The following RAB7A variants were observed in gnomAD, a reference collection of about 807,000 sequenced individuals.
The protein encoded by RAB7A is RAB7A, member RAS oncogene family, also known as ras-related protein Rab-7a.
A neutral mutation model predicts 24.5 loss-of-function variants in RAB7A; 2 were observed. That is an observed-to-expected ratio of 0.08 (90% confidence interval 0.03 to 0.26). The LOEUF (loss-of-function observed/expected upper bound fraction) is 0.26, where lower values mean the gene tolerates loss of function less well. RAB7A is among the 10% of genes least tolerant of loss of function. RAB7A has a pLI of 1.00. For synonymous variants in RAB7A, 100 were observed against 95.9 expected (o/e 1.04, Z -0.25); for missense variants, 118 against 255.7 (o/e 0.46, Z 3.67).
chr3:128,789,758 G>C (rs939775691), intron 1 of RAB7A, among the ~76,000 whole-genome samples: 1 of 150,978 alleles, frequency 6.6e-6, no homozygotes, highest in Non-Finnish European at 1.5e-5. Context: ...GCTTCTTGTA[G>C]CAAAAGTTGC....
chr3:128,813,023 A>C (rs1268485870), intron 5 of RAB7A, among the ~76,000 whole-genome samples: 2 of 152,216 alleles, frequency 1.3e-5, no homozygotes, highest in Non-Finnish European at 2.9e-5. Context: ...TCATGATCTG[A>C]TTGAGAATGT....
intron 1 of RAB7A, among the ~76,000 whole-genome samples, chr3:128,740,231 A>G (rs1480940335): frequency 2.0e-5 from 3 of 151,238 alleles, no homozygotes; most frequent in African/African-American, 7.3e-5. Flanking sequence ...AAATACAACA[A>G]TTAGCTGGGT....
At chr3:128,791,559 C>T (rs1010399677) in intron 1 of RAB7A, among the ~76,000 whole-genome samples, 1 of 152,226 alleles carries the variant, frequency 6.6e-6, no homozygotes, top group Non-Finnish European at 1.5e-5. Context: ...CTCTGTTTCC[C>T]TGGGAGCTAG....
intron 1 of RAB7A, among the ~76,000 whole-genome samples, chr3:128,783,190 G>A (rs1933258477): frequency 6.6e-6 from 1 of 151,738 alleles, no homozygotes. Context: ...ATACCTTCAA[G>A]GAGAATTTAT....
At chr3:128,735,851 C>T (rs781082043) in intron 1 of RAB7A, among the ~76,000 whole-genome samples, 1 of 151,710 alleles carries the variant, frequency 6.6e-6, no homozygotes, top group Non-Finnish European at 1.5e-5. Flanking sequence ...TTTGCCTTAC[C>T]AAAAAGAAAA....
At chr3:128,769,316 C>T (rs779297350) in intron 1 of RAB7A, among the ~76,000 whole-genome samples, 36 of 152,268 alleles carry the variant, frequency 2.4e-4, no homozygotes, top group Non-Finnish European at 4.0e-4. Flanking sequence ...ACAGCATGGT[C>T]ATTTAAAAAA....
intron 1 of RAB7A, among the ~76,000 whole-genome samples, chr3:128,735,447 C>T (rs527763128): frequency 1.3e-5 from 2 of 152,298 alleles, no homozygotes; most frequent in South Asian, 4.2e-4. Flanking sequence ...ACAGCATAAT[C>T]CTGTCACTTG....
chr3:128,783,846 A>T (rs553938994), intron 1 of RAB7A, among the ~76,000 whole-genome samples: 1 of 152,254 alleles, frequency 6.6e-6, no homozygotes, highest in Non-Finnish European at 1.5e-5. Context: ...TATTTTTAAC[A>T]TGCTGAACAC....
chr3:128,809,936 CTTTTTTTTTTTTTTTT>C (rs869119619), intron 5 of RAB7A, among the ~76,000 whole-genome samples: 12 of 52,216 alleles, frequency 2.3e-4, no homozygotes, highest in South Asian at 2.1e-3. Flanking sequence ...TTGCCACAGT[CTTTTTTTTTTTTTTTT>C]TTTTTTTTTT....
At chr3:128,791,596 T>C (rs1933453554) in intron 1 of RAB7A, among the ~76,000 whole-genome samples, 1 of 152,228 alleles carries the variant, frequency 6.6e-6, no homozygotes, top group Non-Finnish European at 1.5e-5. Flanking sequence ...CATTTGTTTC[T>C]GGGCATGGTC....
At chr3:128,772,335 C>T (rs923345165) in intron 1 of RAB7A, among the ~76,000 whole-genome samples, 1 of 152,198 alleles carries the variant, frequency 6.6e-6, no homozygotes, top group African/African-American at 2.4e-5. Flanking sequence ...CTAAATATTG[C>T]AGTTTCCCAT....
rs141719895 is a variant in RAB7A, at chr3:128,760,760, T to A, written c.-9+34401T>A. 7.2e-5 allele frequency among the ~76,000 whole-genome samples: 11 copies of A among 152,368 alleles called. No individual in the cohort carries two copies. The East Asian group carries it at 2.1e-3, about 29-fold the overall frequency. ...TCTAGCTTAAACTGAGTTATAAACA[T>A]ATGGAACTAGTGTAGGCCTTGAAAT... On this transcript the variant is annotated intron_variant, in intron 1 of 5. Transcript: ENST00000265062.
chr3:128,762,980 C>T (rs1276596525), intron 1 of RAB7A, among the ~76,000 whole-genome samples: 1 of 151,924 alleles, frequency 6.6e-6, no homozygotes, highest in Non-Finnish European at 1.5e-5. Context: ...CCTGTAAATG[C>T]TCTCAAGTCC....
chr3:128,806,838 C>T (rs572224503), intron 4 of RAB7A, among the ~76,000 whole-genome samples: 1 of 152,370 alleles, frequency 6.6e-6, no homozygotes, highest in Non-Finnish European at 1.5e-5. Context: ...AGCTTCACTT[C>T]CCTTTCTGCA....
chr3:128,742,702 T>C (rs992315483), intron 1 of RAB7A, among the ~76,000 whole-genome samples: 10 of 151,834 alleles, frequency 6.6e-5, no homozygotes, highest in African/African-American at 2.4e-4. Context: ...AGATACAGAG[T>C]GCTGATTGGT....
chr3:128,746,559 CG>C (rs1359386079), intron 1 of RAB7A, among the ~76,000 whole-genome samples: 2 of 151,032 alleles, frequency 1.3e-5, no homozygotes, highest in Non-Finnish European at 3.0e-5. Context: ...GATGGAGTCT[CG>C]CTCTGTCTCC....
intron 1 of RAB7A, among the ~76,000 whole-genome samples, chr3:128,744,392 G>A (rs1383378703): frequency 6.6e-6 from 1 of 152,236 alleles, no homozygotes; most frequent in African/African-American, 2.4e-5. Context: ...AGCCCTCTTA[G>A]AGGGACTGAT....
At chr3:128,764,849 G>T (rs2070812865) in intron 1 of RAB7A, 5 of 1,126,578 alleles carry the variant, frequency 4.4e-6, no homozygotes, top group Non-Finnish European at 6.7e-6. Context: ...GATTGGTGAA[G>T]AAAGTATGTG....
chr3:128,739,233 G>C (rs954259332), intron 1 of RAB7A, among the ~76,000 whole-genome samples: 4 of 152,134 alleles, frequency 2.6e-5, no homozygotes, highest in Non-Finnish European at 5.9e-5. Context: ...AAGCGGGCCG[G>C]GAGTGGTGGC....
Sources: gnomAD v4.1 joint callset for allele counts (sites outside exome capture counted in the v4.1 genomes callset) on GRCh38, gnomAD v4.1.1 for gene constraint, MANE v1.5 for transcripts, NCBI Gene and HGNC (gene_info 2026-07-23, HGNC 2026-07-21) for gene names.